The following SOX6 variants were observed in gnomAD, a reference collection of about 807,000 sequenced individuals.
The protein encoded by SOX6 is transcription factor SOX-6.
In SOX6, 11 loss-of-function variants were observed where a neutral mutation model predicts 97.8. The ratio of observed to expected loss-of-function variants is 0.11; its 90% CI spans 0.07 to 0.19. The LOEUF (loss-of-function observed/expected upper bound fraction) is 0.19, where lower values mean the gene tolerates loss of function less well. Among genes scored for constraint, SOX6 ranks in the 10% least tolerant of loss-of-function variants. The probability of loss-of-function intolerance (pLI) is 1.00; values close to 1 mark genes in which losing one functional copy is unlikely to be tolerated. For missense variants in SOX6, 810 were observed against 1,039.5 expected (o/e 0.78, Z 3.04); for synonymous variants, 360 against 371.4 (o/e 0.97, Z 0.35).
chr11:16,108,355 T>C (rs1344028029), intron 7 of SOX6, among the ~76,000 whole-genome samples: 1 of 152,066 alleles, frequency 6.6e-6, no homozygotes, highest in Admixed American at 6.6e-5. Context: ...AAGCAATGGG[T>C]CAGCTAAATC....
intron 1 of SOX6, among the ~76,000 whole-genome samples, chr11:16,396,441 G>A (rs753901042): frequency 2.6e-5 from 4 of 151,450 alleles, no homozygotes; most frequent in South Asian, 2.1e-4. Context: ...GTAGATTTCC[G>A]ACACTGAATT....
At chr11:15,989,270 C>T (rs981468297) in intron 13 of SOX6, 40 bp from the exon 14 acceptor site, 16 of 1,523,252 alleles carry the variant, frequency 1.1e-5, no homozygotes, top group Middle Eastern at 1.7e-4. Flanking sequence ...GAGTGGAAAG[C>T]GTTATTTTGT....
intron 3 of SOX6, among the ~76,000 whole-genome samples, chr11:16,305,381 G>A (rs1035682500): frequency 1.3e-5 from 2 of 152,126 alleles, no homozygotes; most frequent in African/African-American, 4.8e-5. Flanking sequence ...ACACCTATAA[G>A]AACAGTTAAA....
intron 1 of SOX6, chr11:16,736,483 A>C (rs999856551): frequency 1.3e-5 from 2 of 152,224 alleles, no homozygotes; most frequent in Non-Finnish European, 2.9e-5. Flanking sequence ...CTGGTGAAGA[A>C]ATAAAAGACA....
intron 6 of SOX6, among the ~76,000 whole-genome samples, chr11:16,174,805 A>G (rs1421402521): frequency 6.6e-6 from 1 of 151,932 alleles, no homozygotes; most frequent in African/African-American, 2.4e-5. Flanking sequence ...GTCTTTAAAA[A>G]GCTATAAAAT....
chr11:16,711,695 T>A (rs1015854817), intron 3 of SOX6, among the ~76,000 whole-genome samples: 3 of 152,184 alleles, frequency 2.0e-5, no homozygotes, highest in African/African-American at 7.2e-5. Flanking sequence ...CATCTTTCTT[T>A]TTTTTTCTCA....
chr11:16,007,807 G>C (rs1854602326), intron 13 of SOX6, among the ~76,000 whole-genome samples: 1 of 152,090 alleles, frequency 6.6e-6, no homozygotes, highest in African/African-American at 2.4e-5. Flanking sequence ...AATCTAATGT[G>C]TTGGTTTATG....
chr11:16,060,666 T>G lies in SOX6; in HGVS notation c.1102-4765A>C, dbSNP rs151066685. 3.4e-3 allele frequency among the ~76,000 whole-genome samples: 510 copies of G among 151,962 alleles called. 2 individuals are homozygous for G. Among genetic ancestry groups the G allele is most frequent in the African/African-American group, 0.012 (478 of 41,532 alleles). Reference sequence around the variant, plus strand: ...AATAGGTATAAGCTTACAAAATAATTTCGCAGCTCACCCTCTAAACTAACA... The same window carrying G: ...AATAGGTATAAGCTTACAAAATAATGTCGCAGCTCACCCTCTAAACTAACA... On this transcript the variant is annotated intron_variant, in intron 9 of 15. Transcript: ENST00000683767.
chr11:16,461,738 AT>A, intron 1 of SOX6, among the ~76,000 whole-genome samples: 1 of 152,276 alleles, frequency 6.6e-6, no homozygotes, highest in Admixed American at 6.5e-5. Flanking sequence ...CTAGAGTAGT[AT>A]TTTTAACTCT....
At chr11:16,585,969 C>T (rs1464233837) in intron 4 of SOX6, among the ~76,000 whole-genome samples, 1 of 152,136 alleles carries the variant, frequency 6.6e-6, no homozygotes, top group Non-Finnish European at 1.5e-5. Context: ...AGGCATGAGC[C>T]ACTGTGCCCA....
chr11:16,528,772 C>T (rs1158195460), intron 4 of SOX6, among the ~76,000 whole-genome samples: 1 of 152,082 alleles, frequency 6.6e-6, no homozygotes, highest in East Asian at 1.9e-4. Context: ...CTTCTCTGGG[C>T]AAGAGCACTT....
chr11:16,504,295 T>G (rs572861456), intron 4 of SOX6, among the ~76,000 whole-genome samples: 1 of 152,092 alleles, frequency 6.6e-6, no homozygotes, highest in South Asian at 2.1e-4. Context: ...GGAAAAGAAG[T>G]CAAATTGTCC....
At chr11:16,253,973 A>C (rs1853600626) in intron 3 of SOX6, among the ~76,000 whole-genome samples, 1 of 152,136 alleles carries the variant, frequency 6.6e-6, no homozygotes, top group Non-Finnish European at 1.5e-5. Context: ...AAAGAAGTCC[A>C]GGGTTGAGGA....
intron 1 of SOX6, among the ~76,000 whole-genome samples, chr11:16,738,129 G>T (rs1450774155): frequency 2.6e-5 from 4 of 151,966 alleles, no homozygotes; most frequent in Admixed American, 2.6e-4. Flanking sequence ...ATTTCTGTAT[G>T]GGAAAACAGC....
chr11:16,102,071 G>A (rs1281056586), intron 7 of SOX6, among the ~76,000 whole-genome samples: 1 of 151,824 alleles, frequency 6.6e-6, no homozygotes, highest in African/African-American at 2.4e-5. Flanking sequence ...ATCCAAATCG[G>A]TAAAAAGGAA....
At chr11:16,481,560 T>C (rs1331209788) in intron 4 of SOX6, among the ~76,000 whole-genome samples, 1 of 152,184 alleles carries the variant, frequency 6.6e-6, no homozygotes, top group Non-Finnish European at 1.5e-5. Flanking sequence ...CCTATTCATG[T>C]ATTCCATGCT....
At chr11:16,404,989 A>G (rs1014865593) in intron 1 of SOX6, among the ~76,000 whole-genome samples, 1 of 152,020 alleles carries the variant, frequency 6.6e-6, no homozygotes, top group Non-Finnish European at 1.5e-5. Context: ...ATTAAAACAG[A>G]CACTGACAGA....
intron 12 of SOX6, among the ~76,000 whole-genome samples, chr11:16,042,340 G>A (rs951462606): frequency 3.3e-5 from 5 of 152,086 alleles, no homozygotes; most frequent in African/African-American, 9.7e-5. Context: ...GCTTTCCAGC[G>A]CCAGCAGCAA....
chr11:16,644,157 C>T (rs564023065), intron 3 of SOX6, among the ~76,000 whole-genome samples: 14 of 152,284 alleles, frequency 9.2e-5, no homozygotes, highest in Admixed American at 3.3e-4. Flanking sequence ...CCTCCCACCT[C>T]GGCCTCCCAA....
Sources: gnomAD v4.1 joint callset for allele counts (sites outside exome capture counted in the v4.1 genomes callset) on GRCh38, gnomAD v4.1.1 for gene constraint, MANE v1.5 for transcripts, NCBI Gene and HGNC (gene_info 2026-07-23, HGNC 2026-07-21) for gene names.